Variants in PRDM1 observed in about 807,000 individuals in gnomAD.
The protein encoded by PRDM1 is PR domain zinc finger protein 1.
In PRDM1, 13 loss-of-function variants were observed where a neutral mutation model predicts 62.8. That is an observed-to-expected ratio of 0.21 (90% CI 0.13 to 0.33). The LOEUF (loss-of-function observed/expected upper bound fraction) is 0.33, where lower values mean the gene tolerates loss of function less well. Ranked by LOEUF, PRDM1 falls within the 10% of genes least tolerant of loss-of-function variation. PRDM1 has a pLI of 1.00. For missense variants in PRDM1, 895 were observed against 1,058.8 expected, an observed-to-expected ratio of 0.85 and a Z score of 2.15; for synonymous variants, 396 against 417.6, an observed-to-expected ratio of 0.95 and a Z score of 0.63.
chr6:106,074,765 A>G (rs1163017371), intron 1 of PRDM1, among the ~76,000 whole-genome samples: 2 of 152,210 alleles, frequency 1.3e-5, no homozygotes, highest in East Asian at 1.9e-4. Flanking sequence ...GCTTGAGGCC[A>G]GGAGTTCAAG....
In PRDM1 at chr6:106,073,547, G is replaced by A. The variant is rs182473870; in HGVS notation, c.-66-14654G>A. ...TATGTTCTCTGGTCAGCTGGACAGC[G>A]TTAAGGAACTCTTATTTTTATTTAT... On this transcript the variant is annotated intron_variant, in intron 1 of 6. Coordinates refer to the PRDM1 transcript ENST00000651185. Among the ~76,000 whole-genome samples, 32 of 152,308 alleles carry A rather than the reference G, an allele frequency of 2.1e-4. No homozygotes were observed. In the South Asian group the frequency reaches 3.1e-3, roughly 15 times the overall value.
chr6:106,091,981 C>T (rs1219843486), intron 2 of PRDM1, among the ~76,000 whole-genome samples: 1 of 151,838 alleles, frequency 6.6e-6, no homozygotes, highest in Non-Finnish European at 1.5e-5. Context: ...GAGTGGGATT[C>T]GGGGAGGGAA....
chr6:106,038,012 G>GTTTTTTTTTTTTT (rs1302119750), intron 1 of PRDM1, among the ~76,000 whole-genome samples: 2 of 20,522 alleles, frequency 9.7e-5, no homozygotes, highest in Non-Finnish European at 1.9e-4. Flanking sequence ...TGCTATTTTT[G>GTTTTTTTTTTTTT]TCTTTTTTTT....
upstream of PRDM1, among the ~76,000 whole-genome samples, chr6:106,043,723 G>A (rs373769234): frequency 6.6e-6 from 1 of 151,904 alleles, no homozygotes; most frequent in Non-Finnish European, 1.5e-5. Context: ...TAGTAGAGAC[G>A]GCGTTTCTCC....
chr6:106,108,146 G>T lies in PRDM1; in HGVS notation c.*660G>T, dbSNP rs1774559119. 8.6e-6 allele frequency: 2 copies of T among 233,530 alleles called. No individual in the cohort carries two copies. Among genetic ancestry groups the T allele is most frequent in the Non-Finnish European group, 1.7e-5 (2 of 117,886 alleles). The allele number at this position is 233,530 out of a possible 1,614,324, so 14.5% of individuals were successfully genotyped here. Reference sequence around the variant, plus strand: ...GAACAGCATTGTACATAACTTGGGGGTATGTGTGCAGGATTACCCAAGAAT... The same window carrying T: ...GAACAGCATTGTACATAACTTGGGGTTATGTGTGCAGGATTACCCAAGAAT... On this transcript the variant is annotated 3_prime_UTR_variant, in exon 7 of 7. Transcript: ENST00000369096.
At position 106,105,771 on chromosome 6, in the gene PRDM1, G is replaced by A. The variant is rs760254920; in HGVS notation, c.1611G>A (p.Ala537=). Residue 537 remains alanine, a synonymous_variant, in exon 5 of 7, where the codon GCG becomes GCA. Coordinates refer to ENST00000369096, the MANE Select transcript of PRDM1 (RefSeq NM_001198.4). The part of the protein sequence containing the change: ...HVVQPKATSA[A]MAAPSSDEAM... ...TGCAGCCCAAAGCTACCTCAGCAGC[G>A]ATGGCAGCCCCCAGCAGCGACGAAG... The A allele has an allele frequency of 1.9e-6, 3 of 1,614,064 alleles. No homozygotes were observed. Among genetic ancestry groups the A allele is most frequent in the Admixed American group, 3.3e-5 (2 of 60,006 alleles).
At chr6:106,099,218 T>C in intron 3 of PRDM1, 82 bp from the exon 4 acceptor site, 2 of 1,602,962 alleles carry the variant, frequency 1.2e-6, no homozygotes. Flanking sequence ...TCACACACGG[T>C]ACCGGCTGTG....
At position 106,108,485 on chromosome 6, in the gene PRDM1, T is replaced by G; in HGVS notation, c.*999T>G. The G allele has an allele frequency of 4.3e-6, 1 of 231,822 alleles. No individual in the cohort carries two copies. Among genetic ancestry groups the G allele is most frequent in the East Asian group, 6.0e-5 (1 of 16,540 alleles). The allele number at this position is 231,822 out of a possible 1,614,324, so 14.4% of individuals were successfully genotyped here. On this transcript the variant is annotated 3_prime_UTR_variant, in exon 7 of 7. Coordinates refer to ENST00000369096, the MANE Select transcript of PRDM1 (RefSeq NM_001198.4). ...TTTGTGTGTGTGCGATTTGGGGGCT[T>G]GAGTCTGGGTGGTGTTTTGTTGTTG...
chr6:106,102,211 G>T (rs1045791063), intron 4 of PRDM1, among the ~76,000 whole-genome samples: 2 of 152,142 alleles, frequency 1.3e-5, no homozygotes, highest in African/African-American at 4.8e-5. Flanking sequence ...AAATGACTCC[G>T]TCCGCCTACA....
chr6:106,076,018 C>A (rs1324007263), intron 1 of PRDM1, among the ~76,000 whole-genome samples: 4 of 151,402 alleles, frequency 2.6e-5, no homozygotes, highest in African/African-American at 9.7e-5. Context: ...GTGGCACGAT[C>A]TCTGCTCACT....
intron 1 of PRDM1, among the ~76,000 whole-genome samples, chr6:106,069,474 C>G (rs1227021672): frequency 6.6e-6 from 1 of 152,118 alleles, no homozygotes; most frequent in Non-Finnish European, 1.5e-5. Context: ...GCAATAGATA[C>G]CTGGAATGTC....
At chr6:106,067,620 G>A (rs1234273906) in intron 1 of PRDM1, among the ~76,000 whole-genome samples, 3 of 152,144 alleles carry the variant, frequency 2.0e-5, no homozygotes, top group Non-Finnish European at 1.5e-5. Flanking sequence ...AGCCAGACAC[G>A]AAAGTTCAAA....
upstream of PRDM1, among the ~76,000 whole-genome samples, chr6:106,084,161 T>C (rs974063520): frequency 2.0e-5 from 3 of 152,162 alleles, no homozygotes; most frequent in African/African-American, 4.8e-5. Context: ...GTTTTTTTTT[T>C]CCCAATCACT....
At position 106,105,727 on chromosome 6, in the gene PRDM1, G is replaced by T; in HGVS notation, c.1567G>T (p.Ala523Ser). The change falls in exon 5 of 7, where the codon GCC (alanine) becomes TCC (serine). Residue 523 changes from alanine (A) to serine (S), a missense_variant. Transcript: ENST00000369096. ...TSGSPTAGTA[A>S]TAEHVVQPKA... ...CGGGTCTCCCACGGCGGGAACAGCCGCCACGGCAGAACATGTGGTGCAGCC... is the reference window on the plus strand; with the variant it reads ...CGGGTCTCCCACGGCGGGAACAGCCTCCACGGCAGAACATGTGGTGCAGCC... 2 of 1,613,836 alleles carry T rather than the reference G, an allele frequency of 1.2e-6. No individual in the cohort carries two copies. The highest frequency in any genetic ancestry group is 1.7e-6 in the Non-Finnish European group (2 of 1,179,934).
chr6:106,015,554 A>C lies in PRDM1; in HGVS notation c.-67+21915A>C, dbSNP rs571154366. ...GAAACACTAGAAGAATAAAGAAGAA[A>C]GCAGTAACAATGGTCTCTGGTGGAC... On this transcript the variant is annotated intron_variant, in intron 1 of 6. Coordinates refer to the PRDM1 transcript ENST00000652320. Among the ~76,000 whole-genome samples the C allele has an allele frequency of 3.3e-4, 46 of 138,294 alleles. 1 individual carries two copies. Among genetic ancestry groups the C allele is most frequent in the Non-Finnish European group, 6.3e-4 (41 of 64,818 alleles). The allele number at this position is 138,294 out of a possible 152,430, so 90.7% of individuals were successfully genotyped here.
At chr6:106,092,783 C>T (rs982269257) in intron 2 of PRDM1, among the ~76,000 whole-genome samples, 4 of 152,190 alleles carry the variant, frequency 2.6e-5, no homozygotes, top group Admixed American at 2.6e-4. Context: ...GCTTTTATGG[C>T]GTCTGTGTCT....
At position 105,994,371 on chromosome 6, in the gene PRDM1, T is replaced by TA. The variant is rs11299498; in HGVS notation, c.-67+744dup. ...ACTGCATTCGCCTAAATTGCGTAAT[T>TA]AAAAAAAAAAAATACACCACTGCCA... On this transcript the variant is annotated intron_variant, in intron 1 of 6. Coordinates refer to the PRDM1 transcript ENST00000652320. The surrounding 1 kb of genome is among the most constrained non-coding windows in gnomAD (Gnocchi z 4.1). 2.0e-4 allele frequency among the ~76,000 whole-genome samples: 30 copies of TA among 149,982 alleles called. No homozygotes were observed. The highest frequency in any genetic ancestry group is 1.3e-3 in the South Asian group (6 of 4,740).
At chr6:106,104,550 A>G (rs1486404001) in intron 4 of PRDM1, among the ~76,000 whole-genome samples, 1 of 152,212 alleles carries the variant, frequency 6.6e-6, no homozygotes, top group African/African-American at 2.4e-5. Context: ...ATTTTCTATC[A>G]TAAGGTCTGT....
At chr6:105,996,926 T>C (rs1303168363) in intron 1 of PRDM1, among the ~76,000 whole-genome samples, 1 of 152,188 alleles carries the variant, frequency 6.6e-6, no homozygotes, top group Non-Finnish European at 1.5e-5. Flanking sequence ...CACATTGAAA[T>C]AAATAAGAAA....
Sources: allele counts gnomAD v4.1 joint callset (sites outside exome capture counted in the v4.1 genomes callset), GRCh38; gene constraint gnomAD v4.1.1; non-coding constraint Gnocchi (gnomAD v3.1); transcripts MANE v1.5; gene names NCBI Gene and HGNC (gene_info 2026-07-23, HGNC 2026-07-21).